GPC5: variants seen among roughly 807,000 people sequenced by gnomAD.
The protein encoded by GPC5 is glypican 5.
A neutral mutation model predicts 53.9 loss-of-function variants in GPC5; 47 were observed. That is an observed-to-expected ratio of 0.87 (90% CI 0.69 to 1.11). The LOEUF (loss-of-function observed/expected upper bound fraction) is 1.11, where lower values mean the gene tolerates loss of function less well. Ranked by LOEUF, GPC5 falls within the 50% of genes most tolerant of loss-of-function variation. GPC5 has a pLI of 0.00. For missense variants in GPC5, 748 were observed against 713.1 expected (o/e 1.05, Z -0.56); for synonymous variants, 286 against 263.3 (o/e 1.09, Z -0.84).
intron 7 of GPC5, among the ~76,000 whole-genome samples, chr13:92,692,754 A>ATTGTTTTTTTTTTTTTTTTT (rs1887443576): frequency 1.2e-5 from 1 of 81,050 alleles, no homozygotes; most frequent in African/African-American, 4.8e-5. Flanking sequence ...AATATCGGCT[A>ATTGTTTTTTTTTTTTTTTTT]TTTTTTTTTT....
At chr13:92,466,202 T>A (rs1329201371) in intron 7 of GPC5, among the ~76,000 whole-genome samples, 1 of 148,456 alleles carries the variant, frequency 6.7e-6, no homozygotes, top group Non-Finnish European at 1.5e-5. Context: ...ATAAATATAG[T>A]AGTAATAGTA....
chr13:91,420,868 C>A (rs1220793709), intron 1 of GPC5, among the ~76,000 whole-genome samples: 1 of 152,208 alleles, frequency 6.6e-6, no homozygotes, highest in Non-Finnish European at 1.5e-5. Context: ...GAGACCTCCC[C>A]AGCCATGTGG....
At chr13:91,900,523 T>C (rs2039487141) in intron 5 of GPC5, among the ~76,000 whole-genome samples, 1 of 152,174 alleles carries the variant, frequency 6.6e-6, no homozygotes. Flanking sequence ...ATTATAGTTA[T>C]AATTGATCAT....
At position 92,702,907 on chromosome 13, in the gene GPC5, G is replaced by A. The variant is rs77541567; in HGVS notation, c.1562-163375G>A. On this transcript the variant is annotated intron_variant, in intron 7 of 7. Transcript: ENST00000377067. ...CTGGTCTCCTTGGCTCCCCCAACCC[G>A]GCATATTCCACTTCAGATATTCACA... Among the ~76,000 whole-genome samples, 566 of 151,624 alleles carry A rather than the reference G, an allele frequency of 3.7e-3. 8 individuals are homozygous for A. The highest frequency in any genetic ancestry group is 0.035 in the East Asian group (181 of 5,132).
At chr13:92,412,055 C>T (rs1017330340) in intron 7 of GPC5, among the ~76,000 whole-genome samples, 6 of 152,178 alleles carry the variant, frequency 3.9e-5, no homozygotes, top group Admixed American at 3.9e-4. Context: ...ATACGGTTCT[C>T]TTCCTACCAT....
At chr13:91,601,884 G>A (rs1386920823) in intron 2 of GPC5, among the ~76,000 whole-genome samples, 3 of 152,168 alleles carry the variant, frequency 2.0e-5, no homozygotes, top group Non-Finnish European at 1.5e-5. Flanking sequence ...CCCCATGCTG[G>A]TCTGTGGAAA....
chr13:92,619,317 A>T (rs1884796869), intron 7 of GPC5, among the ~76,000 whole-genome samples: 1 of 151,962 alleles, frequency 6.6e-6, no homozygotes, highest in Admixed American at 6.6e-5. Context: ...CATTTTTATT[A>T]TGAAAGGCTT....
chr13:91,971,334 G>C (rs1251905621), intron 6 of GPC5, among the ~76,000 whole-genome samples: 1 of 151,052 alleles, frequency 6.6e-6, no homozygotes. Context: ...ATTTTTTATT[G>C]CATCTATTTG....
chr13:91,657,202 G>C (rs1045926982), intron 2 of GPC5, among the ~76,000 whole-genome samples: 1 of 152,102 alleles, frequency 6.6e-6, no homozygotes, highest in Non-Finnish European at 1.5e-5. Flanking sequence ...CCTTAGTTGA[G>C]TGCTGTAATT....
chr13:91,808,600 A>G (rs922960886), intron 5 of GPC5, among the ~76,000 whole-genome samples: 23 of 152,190 alleles, frequency 1.5e-4, no homozygotes, highest in African/African-American at 5.1e-4. Context: ...TCATGCTACA[A>G]AAGAGGAAAT....
At chr13:92,045,374 TTA>T (rs1268644368) in intron 6 of GPC5, among the ~76,000 whole-genome samples, 1 of 152,180 alleles carries the variant, frequency 6.6e-6, no homozygotes, top group African/African-American at 2.4e-5. Context: ...GTCAGACTCA[TTA>T]TATCACTATC....
chr13:92,311,729 A>G (rs1287590542), intron 7 of GPC5, among the ~76,000 whole-genome samples: 1 of 152,120 alleles, frequency 6.6e-6, no homozygotes, highest in Non-Finnish European at 1.5e-5. Context: ...ACCCACCCCT[A>G]TGATTCAGTT....
chr13:92,716,514 T>A lies in GPC5; in HGVS notation c.1562-149768T>A, dbSNP rs556925669. On this transcript the variant is annotated intron_variant, in intron 7 of 7. Transcript: ENST00000377067. Reference sequence around the variant, plus strand: ...TTCATCCTTCATTGTAATGGCCATTTGTTTTTCTGTCTCCCTATTAGACTG... The same window carrying A: ...TTCATCCTTCATTGTAATGGCCATTAGTTTTTCTGTCTCCCTATTAGACTG... 2.0e-5 allele frequency among the ~76,000 whole-genome samples: 3 copies of A among 152,142 alleles called. No homozygotes were observed. In the East Asian group the frequency reaches 5.8e-4, roughly 29 times the overall value.
At chr13:91,812,896 G>A (rs1475464157) in intron 5 of GPC5, among the ~76,000 whole-genome samples, 2 of 152,114 alleles carry the variant, frequency 1.3e-5, no homozygotes, top group Non-Finnish European at 2.9e-5. Flanking sequence ...GAGTCTATTG[G>A]TAAAAATGTC....
At chr13:92,081,723 G>C (rs1463635457) in intron 6 of GPC5, among the ~76,000 whole-genome samples, 1 of 152,114 alleles carries the variant, frequency 6.6e-6, no homozygotes, top group Non-Finnish European at 1.5e-5. Flanking sequence ...AAAGCATAAA[G>C]TATAATTCAG....
chr13:91,690,610 C>G (rs1477176175), intron 2 of GPC5, among the ~76,000 whole-genome samples: 1 of 152,118 alleles, frequency 6.6e-6, no homozygotes, highest in Non-Finnish European at 1.5e-5. Flanking sequence ...GTTAGGGCTA[C>G]TTAAAGATAA....
chr13:91,459,085 A>G (rs1275249701), intron 2 of GPC5, among the ~76,000 whole-genome samples: 3 of 152,034 alleles, frequency 2.0e-5, no homozygotes, highest in Non-Finnish European at 4.4e-5. Context: ...GGTGAGGGAT[A>G]AAAGACTACA....
chr13:92,024,852 G>C (rs943253736), intron 6 of GPC5, among the ~76,000 whole-genome samples: 1 of 152,066 alleles, frequency 6.6e-6, no homozygotes, highest in South Asian at 2.1e-4. Flanking sequence ...TTATGGCTAT[G>C]GGTATAAAAA....
At chr13:92,321,166 A>G (rs1156836251) in intron 7 of GPC5, among the ~76,000 whole-genome samples, 1 of 152,224 alleles carries the variant, frequency 6.6e-6, no homozygotes, top group Non-Finnish European at 1.5e-5. Flanking sequence ...AGACAAATAC[A>G]TTATTGGTTT....
Sources: allele counts gnomAD v4.1 joint callset (sites outside exome capture counted in the v4.1 genomes callset), GRCh38; gene constraint gnomAD v4.1.1; transcripts MANE v1.5; gene names NCBI Gene and HGNC (gene_info 2026-07-23, HGNC 2026-07-21).